Variants in XRN2 observed in about 807,000 individuals in gnomAD.
XRN2 encodes the protein DHM1-like protein.
Under a neutral mutation model 138.5 loss-of-function variants are expected in XRN2, and 44 were observed. That is an observed-to-expected ratio of 0.32 (90% CI 0.25 to 0.41). The LOEUF (loss-of-function observed/expected upper bound fraction) is 0.41, where lower values mean the gene tolerates loss of function less well. XRN2 is among the 10% of genes least tolerant of loss of function. XRN2 has a pLI of 1.00. For synonymous variants in XRN2, 354 were observed against 369.4 expected, an observed-to-expected ratio of 0.96 and a Z score of 0.48; for missense variants, 937 against 1,169.3, an observed-to-expected ratio of 0.80 and a Z score of 2.90.
intron 26 of XRN2, among the ~76,000 whole-genome samples, chr20:21,367,357 A>G (rs905168391): frequency 5.9e-5 from 9 of 152,188 alleles, no homozygotes; most frequent in African/African-American, 2.2e-4. Flanking sequence ...TAACTTATAA[A>G]TAGATGTTTC....
At chr20:21,303,790 C>T (rs2037774363) in intron 1 of XRN2, 3 of 1,118,280 alleles carry the variant, frequency 2.7e-6, no homozygotes, top group Non-Finnish European at 3.3e-6. Flanking sequence ...CCTCTCCAGA[C>T]CGCGCATTTT....
At chr20:21,319,147 A>G (rs1438602422) in intron 1 of XRN2, among the ~76,000 whole-genome samples, 2 of 152,042 alleles carry the variant, frequency 1.3e-5, no homozygotes, top group Non-Finnish European at 2.9e-5. Flanking sequence ...CTTTACCTCC[A>G]GTAACATTTT....
intron 1 of XRN2, among the ~76,000 whole-genome samples, chr20:21,311,627 G>A (rs1263369709): frequency 6.6e-6 from 1 of 152,124 alleles, no homozygotes; most frequent in Non-Finnish European, 1.5e-5. Context: ...TTAGCATTTT[G>A]AGGAACCACC....
At chr20:21,358,763 A>G (rs552062435) in intron 24 of XRN2, among the ~76,000 whole-genome samples, 2 of 151,320 alleles carry the variant, frequency 1.3e-5, no homozygotes, top group Non-Finnish European at 2.9e-5. Context: ...ATCTTTACGT[A>G]TAATTTTTTG....
At chr20:21,311,727 C>T (rs1385770582) in intron 1 of XRN2, among the ~76,000 whole-genome samples, 2 of 152,160 alleles carry the variant, frequency 1.3e-5, no homozygotes, top group African/African-American at 4.8e-5. Context: ...TTGGCTCACG[C>T]CTGCAATCCC....
chr20:21,381,980 TG>T lies in XRN2; in HGVS notation c.2585-13del. 2 of 1,603,534 alleles carry T rather than the reference TG, an allele frequency of 1.2e-6. No homozygotes were observed. The highest frequency in any genetic ancestry group is 1.7e-6 in the Non-Finnish European group (2 of 1,175,550). On this transcript the variant is annotated splice_polypyrimidine_tract_variant and intron_variant, in intron 27 of 29. Transcript: ENST00000377191. The stretch of plus-strand genomic sequence containing the variant: ...TTTAAAAATCTTCTTAACCCTTTCC[TG>T]TTTCTTTTTCAGATATGAGGCCCCA...
chr20:21,331,664 T>A (rs762063683), intron 7 of XRN2, 31 bp downstream of exon 7: 2 of 1,603,040 alleles, frequency 1.2e-6, no homozygotes, highest in Non-Finnish European at 1.7e-6. Flanking sequence ...TTTGATTATA[T>A]GTTCTATTTT....
At chr20:21,311,724 A>C (rs1002277081) in intron 1 of XRN2, among the ~76,000 whole-genome samples, 4 of 152,198 alleles carry the variant, frequency 2.6e-5, no homozygotes, top group Non-Finnish European at 5.9e-5. Context: ...ATGTTGGCTC[A>C]CGCCTGCAAT....
At chr20:21,326,443 A>G in intron 2 of XRN2, 37 bp downstream of exon 2, 1 of 1,613,704 alleles carries the variant, frequency 6.2e-7, no homozygotes, top group Non-Finnish European at 8.5e-7. Flanking sequence ...ATAGCAAATC[A>G]CAGAGGAAAC....
chr20:21,350,949 A>G (rs1243105592), intron 20 of XRN2, among the ~76,000 whole-genome samples: 2 of 152,170 alleles, frequency 1.3e-5, no homozygotes, highest in Admixed American at 6.5e-5. Flanking sequence ...GGGTTTTTCA[A>G]GGTGCTTTGT....
intron 7 of XRN2, 37 bp from the exon 8 acceptor site, chr20:21,331,731 A>C (rs1434827182): frequency 6.3e-7 from 1 of 1,588,852 alleles, no homozygotes; most frequent in African/African-American, 1.4e-5. Context: ...GTGGTATATA[A>C]TATATTAATA....
chr20:21,387,963 T>C (rs1322311065), intron 29 of XRN2, among the ~76,000 whole-genome samples: 1 of 152,230 alleles, frequency 6.6e-6, no homozygotes, highest in Admixed American at 6.5e-5. Context: ...GAGATTTTGT[T>C]ACAGTTTATT....
At chr20:21,358,368 A>G (rs1381759646) in intron 24 of XRN2, among the ~76,000 whole-genome samples, 2 of 152,238 alleles carry the variant, frequency 1.3e-5, no homozygotes, top group African/African-American at 4.8e-5. Flanking sequence ...AGTAAAAATA[A>G]TATAAAATGT....
chr20:21,316,022 G>C (rs550859574), intron 1 of XRN2, among the ~76,000 whole-genome samples: 80 of 152,296 alleles, frequency 5.3e-4, no homozygotes, highest in African/African-American at 1.9e-3. Flanking sequence ...GGAGGCTGAG[G>C]TGGGCAGATC....
chr20:21,350,458 A>G (rs1429158913), intron 20 of XRN2, among the ~76,000 whole-genome samples: 10 of 134,780 alleles, frequency 7.4e-5, no homozygotes, highest in Admixed American at 5.2e-4. Context: ...CCCGGGAGGC[A>G]GAGCTTGCAG....
At chr20:21,311,973 C>T (rs914107265) in intron 1 of XRN2, among the ~76,000 whole-genome samples, 9 of 151,908 alleles carry the variant, frequency 5.9e-5, no homozygotes, top group African/African-American at 1.9e-4. Context: ...CCAGCCTGGG[C>T]GACAGAGCGA....
intron 9 of XRN2, 123 bp downstream of exon 9, chr20:21,332,563 G>C (rs911225729): frequency 7.1e-6 from 7 of 983,412 alleles, no homozygotes; most frequent in Non-Finnish European, 9.7e-6. Flanking sequence ...TTAAATATTT[G>C]AGTTACCTTG....
chr20:21,336,502 C>T (rs1009350468), intron 13 of XRN2, among the ~76,000 whole-genome samples: 3 of 152,138 alleles, frequency 2.0e-5, no homozygotes, highest in African/African-American at 7.2e-5. Flanking sequence ...AGCATTTAGG[C>T]AAGAAATGTG....
intron 27 of XRN2, among the ~76,000 whole-genome samples, chr20:21,369,421 G>A (rs2038738474): frequency 6.6e-6 from 1 of 152,168 alleles, no homozygotes; most frequent in South Asian, 2.1e-4. Context: ...CTGTTTTGGG[G>A]TATATACCTA....
Sources: gnomAD v4.1 joint callset for allele counts (sites outside exome capture counted in the v4.1 genomes callset) on GRCh38, gnomAD v4.1.1 for gene constraint, MANE v1.5 for transcripts, NCBI Gene and HGNC (gene_info 2026-07-23, HGNC 2026-07-21) for gene names.